Variants in TMEM216 observed in about 807,000 individuals in gnomAD.
TMEM216 encodes the protein cerebello-oculo-renal syndrome 2.
Under a neutral mutation model 17.8 loss-of-function variants are expected in TMEM216, and 15 were observed. The ratio of observed to expected loss-of-function variants is 0.84; its 90% CI spans 0.56 to 1.30. The LOEUF (loss-of-function observed/expected upper bound fraction) is 1.30, where lower values mean the gene tolerates loss of function less well. TMEM216 is among the 50% of genes most tolerant of loss of function. The pLI is 0.00. For synonymous variants in TMEM216, 58 were observed against 73.5 expected, an observed-to-expected ratio of 0.79 and a Z score of 1.08; for missense variants, 160 against 175.7, an observed-to-expected ratio of 0.91 and a Z score of 0.51.
At chr11:61,394,966 G>T (rs1858767955) in intron 3 of TMEM216, among the ~76,000 whole-genome samples, 1 of 151,940 alleles carries the variant, frequency 6.6e-6, no homozygotes, top group South Asian at 2.1e-4. Context: ...CACCTGGCCA[G>T]ATTTTGTTTT....
chr11:61,393,637 C>A (rs1379916366), intron 2 of TMEM216, among the ~76,000 whole-genome samples: 1 of 152,186 alleles, frequency 6.6e-6, no homozygotes, highest in Non-Finnish European at 1.5e-5. Flanking sequence ...GGCCTGTGTA[C>A]CCATGTACAT....
chr11:61,393,940 C>T lies in TMEM216; in HGVS notation c.193C>T (p.Leu65Phe). Residue 65 changes from leucine to phenylalanine, a missense_variant, in exon 3 of 5, where the codon CTT (leucine) becomes TTT (phenylalanine). Leu to Phe is a conservative substitution (Grantham distance 22). Coordinates refer to ENST00000515837, the MANE Select transcript of TMEM216 (RefSeq NM_001173990.3). ...NLVLDVVMLLLYLGIEVIRLF... is the reference protein window; with the variant it reads ...NLVLDVVMLLFYLGIEVIRLF... ...AGTACTGGATGTGGTGATGCTCCTC[C>T]TTTATCTTGGAATTGAAGTAATTCG... The T allele has an allele frequency of 6.2e-7, 1 of 1,614,022 alleles. No homozygotes were observed. Among genetic ancestry groups the T allele is most frequent in the Non-Finnish European group, 8.5e-7 (1 of 1,179,894 alleles).
Position 61,398,325 on chromosome 11 carries a change from G to A in TMEM216, c.*49G>A, listed in dbSNP as rs1203046788. 1 of 1,599,160 alleles carries A rather than the reference G, an allele frequency of 6.3e-7. No homozygotes were observed. Among genetic ancestry groups the A allele is most frequent in the Non-Finnish European group, 8.6e-7 (1 of 1,169,528 alleles). ...CCATCAGGCTGACACCACACATATTGCTTCTGGTACTTTAGCCACACCAGT... is the reference window on the plus strand; with the variant it reads ...CCATCAGGCTGACACCACACATATTACTTCTGGTACTTTAGCCACACCAGT... On this transcript the variant is annotated 3_prime_UTR_variant, in exon 5 of 5. Coordinates refer to ENST00000515837, the MANE Select transcript of TMEM216 (RefSeq NM_001173990.3).
Position 61,393,712 on chromosome 11 carries a change from T to C in TMEM216, c.137-172T>C, listed in dbSNP as rs141053529. On this transcript the variant is annotated intron_variant, in intron 2 of 4. Coordinates refer to ENST00000515837, the MANE Select transcript of TMEM216 (RefSeq NM_001173990.3). The stretch of plus-strand genomic sequence containing the variant: ...AGTTAGGAGTAAAACACCATAATAA[T>C]GAGCCTGAGTCGCATTGTGAGTTTA... Among the ~76,000 whole-genome samples the C allele has an allele frequency of 4.4e-3, 664 of 152,314 alleles. 13 individuals carry two copies. In the East Asian group the frequency reaches 0.046, roughly 11 times the overall value.
intron 1 of TMEM216, 173 bp downstream of exon 1, chr11:61,392,838 C>T (rs577512803): frequency 1.0e-6 from 1 of 985,396 alleles, no homozygotes; most frequent in East Asian, 1.1e-4. Context: ...CTGAAGGTCT[C>T]AAGGTGCACA....
At chr11:61,395,157 G>A (rs758701093) in intron 3 of TMEM216, among the ~76,000 whole-genome samples, 48 of 151,870 alleles carry the variant, frequency 3.2e-4, no homozygotes, top group Non-Finnish European at 5.7e-4. Context: ...TGTGTTTTTT[G>A]TAGAGACAGT....
intron 3 of TMEM216, among the ~76,000 whole-genome samples, chr11:61,394,847 A>T (rs973050898): frequency 2.0e-5 from 3 of 150,986 alleles, no homozygotes; most frequent in African/African-American, 7.3e-5. Context: ...TTATATTTTT[A>T]GTAGAGATAG....
At chr11:61,397,478 T>C (rs1858825443) in intron 3 of TMEM216, among the ~76,000 whole-genome samples, 1 of 152,084 alleles carries the variant, frequency 6.6e-6, no homozygotes, top group African/African-American at 2.4e-5. Context: ...TTGAAAATTT[T>C]TAAATGATTA....
chr11:61,393,807 C>A, intron 2 of TMEM216, 77 bp from the exon 3 acceptor site: 1 of 1,164,396 alleles, frequency 8.6e-7, no homozygotes. Context: ...CTGATGTCCT[C>A]TTTTTTCCCA....
chr11:61,393,289 T>C lies in TMEM216; in HGVS notation c.93T>C (p.Asn31=). The C allele has an allele frequency of 6.5e-7, 1 of 1,536,098 alleles. No homozygotes were observed. The highest frequency in any genetic ancestry group is 1.4e-5 in the African/African-American group (1 of 73,188). ...EILFFLNGWY[N]ATYFLLELFI... is the part of the protein sequence containing the mutation. ...TGTTCTTTCTGAACGGGTGGTATAATGCTACCTATTTCCTGCTGGAACTTT... is the reference window on the plus strand; with the variant it reads ...TGTTCTTTCTGAACGGGTGGTATAACGCTACCTATTTCCTGCTGGAACTTT... Residue 31 remains asparagine, a synonymous_variant, in exon 2 of 5, where the codon AAT becomes AAC. Coordinates refer to ENST00000515837, the MANE Select transcript of TMEM216 (RefSeq NM_001173990.3).
At chr11:61,396,563 C>A (rs560580115) in intron 3 of TMEM216, among the ~76,000 whole-genome samples, 1 of 151,964 alleles carries the variant, frequency 6.6e-6, no homozygotes, top group Non-Finnish European at 1.5e-5. Context: ...GAGGCCGAGG[C>A]GAACGGATTG....
Position 61,398,607 on chromosome 11 carries a change from C to G in TMEM216, c.*331C>G, listed in dbSNP as rs1251970401. The G allele has an allele frequency of 2.9e-6, 1 of 348,086 alleles. No homozygotes were observed. The highest frequency in any genetic ancestry group is 5.3e-6 in the Non-Finnish European group (1 of 190,316). 21.6% of individuals were successfully genotyped at this position (348,086 alleles called of 1,614,324 possible). A position where few individuals can be genotyped will look rare whatever the true frequency, so the allele number is the denominator to read the frequency against. ...GGCCAGAGCATCTCGTGTGGACCAT[C>G]TAGGCTCCTTGGGCTTCAAGCAGGA... On this transcript the variant is annotated 3_prime_UTR_variant, in exon 5 of 5. Transcript: ENST00000515837.
chr11:61,396,196 A>G (rs1218536898), intron 3 of TMEM216, among the ~76,000 whole-genome samples: 1 of 152,126 alleles, frequency 6.6e-6, no homozygotes, highest in Non-Finnish European at 1.5e-5. Flanking sequence ...AAAAAAGAAC[A>G]GTTGCTGGGC....
intron 3 of TMEM216, among the ~76,000 whole-genome samples, chr11:61,396,863 G>T (rs1858810462): frequency 6.6e-6 from 1 of 151,372 alleles, no homozygotes; most frequent in African/African-American, 2.4e-5. Flanking sequence ...CAGCCCAGGG[G>T]TTCGAGGCTG....
intron 3 of TMEM216, among the ~76,000 whole-genome samples, chr11:61,394,557 C>T (rs1231176213): frequency 2.7e-5 from 4 of 150,378 alleles, no homozygotes; most frequent in African/African-American, 7.4e-5. Flanking sequence ...TTAATAGAGA[C>T]GGGGTTTCAC....
intron 3 of TMEM216, among the ~76,000 whole-genome samples, chr11:61,396,567 C>T (rs1274099468): frequency 1.3e-5 from 2 of 151,940 alleles, no homozygotes; most frequent in South Asian, 2.1e-4. Flanking sequence ...CCGAGGCGAA[C>T]GGATTGCCTG....
intron 2 of TMEM216, 39 bp downstream of exon 2, chr11:61,393,371 C>A: frequency 7.2e-7 from 1 of 1,383,136 alleles, no homozygotes; most frequent in Non-Finnish European, 9.9e-7. Context: ...CATCCCTTCC[C>A]CACTTCAGCT....
Position 61,393,319 on chromosome 11 carries a change from A to C in TMEM216, c.123A>C (p.Ile41=), listed in dbSNP as rs900061092. ...NATYFLLELF[I]FLYKGVLLPY... ...CCTATTTCCTGCTGGAACTTTTCAT[A>C]TTTCTGTATAAAGGTAAGGAAGGCT... Residue 41 remains isoleucine (I), a synonymous_variant, in exon 2 of 5, where the codon ATA becomes ATC. Transcript: ENST00000515837. 3.3e-6 allele frequency: 5 copies of C among 1,534,630 alleles called. No individual in the cohort carries two copies. In the East Asian group the frequency reaches 9.8e-5, roughly 30 times the overall value.
At chr11:61,392,888 GC>G in intron 1 of TMEM216, 1 of 985,362 alleles carries the variant, frequency 1.0e-6, no homozygotes, top group Non-Finnish European at 1.2e-6. Flanking sequence ...CCACTTCTAG[GC>G]TGGCTCAGGT....
Sources: allele counts gnomAD v4.1 joint callset (sites outside exome capture counted in the v4.1 genomes callset), GRCh38; gene constraint gnomAD v4.1.1; transcripts MANE v1.5; gene names NCBI Gene and HGNC (gene_info 2026-07-23, HGNC 2026-07-21).